STPG2: variants seen among roughly 807,000 people sequenced by gnomAD.
STPG2 encodes the protein sperm tail PG-rich repeat containing 2.
STPG2 carries 56 observed loss-of-function variants against 54.2 expected under a neutral mutation model. The ratio of observed to expected loss-of-function variants is 1.03; its 90% CI spans 0.83 to 1.29. The LOEUF (loss-of-function observed/expected upper bound fraction) is 1.29. Ranked by LOEUF, STPG2 falls within the 50% of genes most tolerant of loss-of-function variation. The probability of loss-of-function intolerance (pLI) is 0.00; values close to 1 mark genes in which losing one functional copy is unlikely to be tolerated. For synonymous variants in STPG2, 200 were observed against 181.8 expected (o/e 1.10, Z -0.81); for missense variants, 596 against 544.9 (o/e 1.09, Z -0.93).
chr4:97,701,204 G>C (rs1723763517), intron 10 of STPG2, among the ~76,000 whole-genome samples: 1 of 152,266 alleles, frequency 6.6e-6, no homozygotes, highest in East Asian at 1.9e-4. Context: ...GAGCCAATGT[G>C]GGGGTCCTGC....
At chr4:97,638,441 C>T (rs1721638416) in intron 10 of STPG2, among the ~76,000 whole-genome samples, 1 of 152,116 alleles carries the variant, frequency 6.6e-6, no homozygotes, top group Non-Finnish European at 1.5e-5. Context: ...TGGGCAAGGA[C>T]TTCATGTCTA....
At chr4:97,577,634 C>CT (rs934509855) in intron 10 of STPG2, among the ~76,000 whole-genome samples, 5 of 152,222 alleles carry the variant, frequency 3.3e-5, no homozygotes, top group African/African-American at 1.2e-4. Context: ...GGGTATTATG[C>CT]TCAGTACATG....
At chr4:98,124,630 C>A (rs1448072817) in intron 3 of STPG2, among the ~76,000 whole-genome samples, 3 of 151,998 alleles carry the variant, frequency 2.0e-5, no homozygotes, top group Non-Finnish European at 1.5e-5. Context: ...TCATTTTGAC[C>A]TTGGATAATC....
chr4:98,109,991 A>G (rs1739299478), intron 3 of STPG2, among the ~76,000 whole-genome samples: 1 of 152,208 alleles, frequency 6.6e-6, no homozygotes, highest in Non-Finnish European at 1.5e-5. Flanking sequence ...ATAACACAAC[A>G]GTAGCTTCTT....
chr4:97,611,921 TAGA>T (rs901250103), intron 10 of STPG2, among the ~76,000 whole-genome samples: 1 of 151,846 alleles, frequency 6.6e-6, no homozygotes, highest in African/African-American at 2.4e-5. Flanking sequence ...AGAACAAAAG[TAGA>T]AGAAGCACTC....
intron 10 of STPG2, among the ~76,000 whole-genome samples, chr4:97,605,427 A>G (rs770387993): frequency 4.1e-4 from 62 of 151,890 alleles, no homozygotes; most frequent in Non-Finnish European, 7.1e-4. Context: ...AGAAGCCTAA[A>G]AAGTTTGTGC....
chr4:98,101,564 C>T (rs2110136528), intron 5 of STPG2, among the ~76,000 whole-genome samples: 1 of 152,170 alleles, frequency 6.6e-6, no homozygotes, highest in East Asian at 1.9e-4. Flanking sequence ...GAAAACTGGC[C>T]AGTCATCAGA....
In STPG2 at chr4:97,918,070, T is replaced by TAA. The variant is rs147489267; in HGVS notation, c.1044+25825_1044+25826dup. Among the ~76,000 whole-genome samples, 11 of 151,324 alleles carry TAA rather than the reference T, an allele frequency of 7.3e-5. No individual in the cohort carries two copies. The East Asian group carries it at 1.4e-3, about 19-fold the overall frequency. On this transcript the variant is annotated intron_variant, in intron 8 of 10. Coordinates refer to ENST00000295268, the MANE Select transcript of STPG2 (RefSeq NM_174952.3). ...TTAAGGCATGCGTATATAAGGAAGATAAAAAAAAACCTAAATCTCATGGCA... is the reference window on the plus strand; with the variant it reads ...TTAAGGCATGCGTATATAAGGAAGATAAAAAAAAAAACCTAAATCTCATGGCA...
intron 5 of STPG2, among the ~76,000 whole-genome samples, chr4:98,098,771 T>C (rs1190461033): frequency 6.6e-6 from 1 of 152,024 alleles, no homozygotes; most frequent in Non-Finnish European, 1.5e-5. Context: ...AACAACCCTA[T>C]AGGGAAAAAT....
intron 7 of STPG2, among the ~76,000 whole-genome samples, chr4:97,959,095 G>A (rs1180127279): frequency 6.6e-6 from 1 of 152,056 alleles, no homozygotes; most frequent in Non-Finnish European, 1.5e-5. Flanking sequence ...CAAATAGAGG[G>A]AAATTAAATA....
chr4:98,055,796 G>C (rs1362263341), intron 5 of STPG2, among the ~76,000 whole-genome samples: 2 of 152,180 alleles, frequency 1.3e-5, no homozygotes, highest in African/African-American at 4.8e-5. Context: ...AGACGGGCCT[G>C]GTCTGACCTG....
At chr4:97,628,984 T>C (rs1301224998) in intron 10 of STPG2, among the ~76,000 whole-genome samples, 3 of 152,060 alleles carry the variant, frequency 2.0e-5, no homozygotes, top group African/African-American at 7.2e-5. Context: ...GAGTATATTT[T>C]GTCTCCAGCT....
rs1022074648 is a variant in STPG2, at chr4:98,125,394, CTGTT to C, written c.387+3030_387+3033del. Reference sequence around the variant, plus strand: ...TTTTTTGTTGATGTTGTTGTTGTTGCTGTTTGTTTGTCTCTTAACATCAGGGCCC... The same window carrying C: ...TTTTTTGTTGATGTTGTTGTTGTTGCTGTTTGTCTCTTAACATCAGGGCCC... On this transcript the variant is annotated intron_variant, in intron 3 of 10. Transcript: ENST00000295268. Among the ~76,000 whole-genome samples the C allele has an allele frequency of 1.5e-3, 222 of 151,916 alleles. 1 individual carries two copies. Among genetic ancestry groups the C allele is most frequent in the African/African-American group, 5.2e-3 (213 of 41,334 alleles).
chr4:97,903,850 G>T (rs1218919089), intron 8 of STPG2, among the ~76,000 whole-genome samples: 2 of 152,184 alleles, frequency 1.3e-5, no homozygotes, highest in African/African-American at 4.8e-5. Context: ...ATGGCACCTG[G>T]AAAATCGGGT....
intron 8 of STPG2, among the ~76,000 whole-genome samples, chr4:97,876,283 C>T (rs142233656): frequency 8.6e-4 from 131 of 152,108 alleles, no homozygotes; most frequent in African/African-American, 3.0e-3. Context: ...AAATTGTTGG[C>T]AAATGTTTAA....
chr4:97,640,670 T>C (rs187111937), intron 10 of STPG2, among the ~76,000 whole-genome samples: 58 of 151,264 alleles, frequency 3.8e-4, no homozygotes, highest in Middle Eastern at 3.4e-3. Context: ...ACAAAAATAT[T>C]CAAAAGGTAA....
chr4:98,037,749 G>C (rs932114144), intron 5 of STPG2, among the ~76,000 whole-genome samples: 3 of 152,098 alleles, frequency 2.0e-5, no homozygotes, highest in African/African-American at 7.2e-5. Flanking sequence ...TTAAAGAGTT[G>C]CTGGATCAAA....
intron 5 of STPG2, among the ~76,000 whole-genome samples, chr4:98,097,844 A>T (rs1202963141): frequency 1.3e-5 from 2 of 152,160 alleles, no homozygotes; most frequent in Admixed American, 6.5e-5. Flanking sequence ...TCTGAAGAAG[A>T]AATCAAAAAA....
rs561556336 is a variant in STPG2 at position 97,561,021 on chromosome 4, G to A, written c.1321-1904C>T. 1.1e-3 allele frequency among the ~76,000 whole-genome samples: 174 copies of A among 152,210 alleles called. 1 individual carries two copies. The highest frequency in any genetic ancestry group is 3.3e-3 in the South Asian group (16 of 4,822). On this transcript the variant is annotated intron_variant, in intron 10 of 10. Transcript: ENST00000295268. The stretch of plus-strand genomic sequence containing the variant: ...TCTAGTTCTAGATCCCTGAGGAGTC[G>A]CCACACTGACTTCCACAATGGTTGA...
Sources: gnomAD v4.1 joint callset for allele counts (sites outside exome capture counted in the v4.1 genomes callset) on GRCh38, gnomAD v4.1.1 for gene constraint, MANE v1.5 for transcripts, NCBI Gene and HGNC (gene_info 2026-07-23, HGNC 2026-07-21) for gene names.